SCAPER: variants seen among roughly 807,000 people sequenced by gnomAD.
SCAPER encodes S phase cyclin A-associated protein in the endoplasmic reticulum.
In SCAPER, 98 loss-of-function variants were observed where a neutral mutation model predicts 182.2. The observed-to-expected ratio is 0.54, with a 90% CI of 0.46 to 0.64. SCAPER has a LOEUF of 0.64. Among genes scored for constraint, SCAPER ranks in the 30% least tolerant of loss-of-function variants. The probability of loss-of-function intolerance (pLI) is 0.00; values close to 1 mark genes in which losing one functional copy is unlikely to be tolerated. For synonymous variants in SCAPER, 605 were observed against 564.6 expected, an observed-to-expected ratio of 1.07 and a Z score of -1.01; for missense variants, 1,432 against 1,690.0, an observed-to-expected ratio of 0.85 and a Z score of 2.68.
At chr15:76,534,126 C>A (rs867850335) in intron 23 of SCAPER, among the ~76,000 whole-genome samples, 1 of 152,192 alleles carries the variant, frequency 6.6e-6, no homozygotes, top group South Asian at 2.1e-4. Flanking sequence ...AATGTAAACA[C>A]TGGGCTTGAC....
chr15:76,832,708 C>G (rs369666420), intron 5 of SCAPER, among the ~76,000 whole-genome samples: 1 of 152,146 alleles, frequency 6.6e-6, no homozygotes, highest in Non-Finnish European at 1.5e-5. Flanking sequence ...GTCCTCATGA[C>G]AGAGTTCTCA....
chr15:76,431,452 T>C (rs181148167), intron 26 of SCAPER, among the ~76,000 whole-genome samples: 2 of 152,098 alleles, frequency 1.3e-5, no homozygotes, highest in East Asian at 3.9e-4. Flanking sequence ...GATATCTTCC[T>C]ACCTCTCCTA....
At chr15:76,813,253 A>AAAAAAAAAAAAAAC (rs2066808447) in intron 5 of SCAPER, among the ~76,000 whole-genome samples, 1 of 61,114 alleles carries the variant, frequency 1.6e-5, no homozygotes, top group Admixed American at 2.5e-4. Context: ...AAAAAAAAAA[A>AAAAAAAAAAAAAAC]AACAACTCAA....
chr15:76,441,212 TGCCCA>T (rs966465767), intron 25 of SCAPER, among the ~76,000 whole-genome samples: 1 of 146,614 alleles, frequency 6.8e-6, no homozygotes, highest in African/African-American at 2.5e-5. Context: ...TGAGCCACCG[TGCCCA>T]GCCTATTCTC....
At chr15:76,811,711 C>A (rs1249179110) in intron 5 of SCAPER, among the ~76,000 whole-genome samples, 1 of 151,776 alleles carries the variant, frequency 6.6e-6, no homozygotes, top group Non-Finnish European at 1.5e-5. Flanking sequence ...TCGCTTGAAC[C>A]CAGGAGGTGG....
chr15:76,774,703 G>A (rs998002768), intron 9 of SCAPER, among the ~76,000 whole-genome samples, 152 bp downstream of exon 9: 4 of 152,248 alleles, frequency 2.6e-5, no homozygotes, highest in East Asian at 3.9e-4. Flanking sequence ...GGAGGAGTTC[G>A]TTGTTCTATT....
At chr15:76,546,371 T>C (rs749259439) in intron 23 of SCAPER, among the ~76,000 whole-genome samples, 6 of 152,128 alleles carry the variant, frequency 3.9e-5, no homozygotes, top group Non-Finnish European at 8.8e-5. Flanking sequence ...TTTTCAACTG[T>C]GCTTTTCTAA....
Position 76,681,880 on chromosome 15 carries a change from C to A in SCAPER, c.2509-16091G>T, listed in dbSNP as rs546792117. ...TAGAGCCTGGCAATGACTGACCATC[C>A]CCCAAGGCTCACCATGCTCCTCTAG... is the stretch of plus-strand genomic sequence containing the variant. On this transcript the variant is annotated intron_variant, in intron 20 of 31. Coordinates refer to ENST00000563290, the MANE Select transcript of SCAPER (RefSeq NM_020843.4). Among the ~76,000 whole-genome samples, 5 of 152,270 alleles carry A rather than the reference C, an allele frequency of 3.3e-5. No individual in the cohort carries two copies. In the East Asian group the frequency reaches 9.7e-4, roughly 29 times the overall value.
intron 5 of SCAPER, among the ~76,000 whole-genome samples, chr15:76,838,352 T>TA (rs2069137370): frequency 6.6e-6 from 1 of 151,984 alleles, no homozygotes; most frequent in South Asian, 2.1e-4. Context: ...AAAGATTGAG[T>TA]ACGCACAGAA....
intron 2 of SCAPER, among the ~76,000 whole-genome samples, chr15:76,867,684 A>G (rs909704264): frequency 6.6e-6 from 1 of 152,212 alleles, no homozygotes. Flanking sequence ...ACACAACTGG[A>G]GAATGTAAAT....
chr15:76,612,215 AGCT>A (rs561901826), intron 22 of SCAPER, among the ~76,000 whole-genome samples: 3 of 152,078 alleles, frequency 2.0e-5, no homozygotes, highest in African/African-American at 4.8e-5. Context: ...CAGCCCAAAA[AGCT>A]GCTGCTGCTG....
At chr15:76,430,571 T>A (rs1325733736) in intron 26 of SCAPER, among the ~76,000 whole-genome samples, 1 of 152,224 alleles carries the variant, frequency 6.6e-6, no homozygotes, top group African/African-American at 2.4e-5. Context: ...CCTGTTGGAT[T>A]TGGACTGGCA....
At chr15:76,512,805 A>C (rs1254420522) in intron 23 of SCAPER, among the ~76,000 whole-genome samples, 2 of 151,858 alleles carry the variant, frequency 1.3e-5, no homozygotes, top group Admixed American at 6.6e-5. Context: ...TTCAGAGCCA[A>C]CTTTTTACTA....
intron 4 of SCAPER, among the ~76,000 whole-genome samples, chr15:76,854,920 C>T (rs181953708): frequency 3.7e-4 from 56 of 150,200 alleles, no homozygotes; most frequent in Admixed American, 1.5e-3. Context: ...TGCAGTGAGC[C>T]GAGATCACAC....
intron 5 of SCAPER, 21 bp from the exon 6 acceptor site, chr15:76,804,654 A>G: frequency 6.6e-7 from 1 of 1,508,870 alleles, no homozygotes. Context: ...CAAAACAAAA[A>G]AAAATTAAAT....
At chr15:76,443,868 G>C (rs886236555) in intron 25 of SCAPER, among the ~76,000 whole-genome samples, 3 of 152,182 alleles carry the variant, frequency 2.0e-5, no homozygotes, top group African/African-American at 7.2e-5. Flanking sequence ...TGAAGACAAA[G>C]CACAATCAAA....
chr15:76,862,454 A>G lies in SCAPER; in HGVS notation c.86T>C (p.Ile29Thr). The G allele has an allele frequency of 6.2e-7, 1 of 1,612,634 alleles. No individual in the cohort carries two copies. Among genetic ancestry groups the G allele is most frequent in the Admixed American group, 1.7e-5 (1 of 59,936 alleles). ...AEEGRTARNLIAWSVPLESKD... is the reference protein window; with the variant it reads ...AEEGRTARNLTAWSVPLESKD... ...GCTTTCTAGTGGAACACTCCAAGCT[A>G]TTAGGTTTCTTGCTGTACGACCCTC... Residue 29 changes from isoleucine to threonine, a missense_variant, in exon 3 of 32, where the codon ATA becomes ACA. Around this residue, in one of 5 missense-constraint regions of SCAPER, gnomAD observed 480 missense variants for 510.2 expected, o/e 0.94. Coordinates refer to ENST00000563290, the MANE Select transcript of SCAPER (RefSeq NM_020843.4).
intron 21 of SCAPER, among the ~76,000 whole-genome samples, chr15:76,652,307 TATACAC>T (rs1272650505): frequency 1.0e-4 from 2 of 19,460 alleles, no homozygotes. Flanking sequence ...TATATATATA[TATACAC>T]ACACACACAC....
In SCAPER at chr15:76,645,412, T is replaced by C. The variant is rs2054462214; in HGVS notation, c.2645+20241A>G. 2.6e-5 allele frequency among the ~76,000 whole-genome samples: 4 copies of C among 152,200 alleles called. No homozygotes were observed. In the South Asian group the frequency reaches 6.2e-4, roughly 24 times the overall value. On this transcript the variant is annotated intron_variant, in intron 21 of 31. Transcript: ENST00000563290. ...TAAACTTTTATCCTAGTTTTTACTC[T>C]TATGAATACCAATACAATGAACAGT...
Sources: gnomAD v4.1 joint callset for allele counts (sites outside exome capture counted in the v4.1 genomes callset) on GRCh38, gnomAD v4.1.1 for gene constraint, gnomAD v4.1.1 regional missense constraint, MANE v1.5 for transcripts, NCBI Gene and HGNC (gene_info 2026-07-23, HGNC 2026-07-21) for gene names.